The following CACNA1A variants were observed in gnomAD, a reference collection of about 807,000 sequenced individuals.
The protein encoded by CACNA1A is calcium voltage-gated channel subunit alpha1 A.
CACNA1A carries 57 observed loss-of-function variants against 262.4 expected under a neutral mutation model. The ratio of observed to expected loss-of-function variants is 0.22; its 90% CI spans 0.18 to 0.27. The LOEUF is 0.27. Among genes scored for constraint, CACNA1A ranks in the 10% least tolerant of loss-of-function variants. CACNA1A has a pLI of 1.00. For synonymous variants in CACNA1A, 1,431 were observed against 1,419.3 expected (o/e 1.01, Z -0.18); for missense variants, 2,526 against 3,562.8 (o/e 0.71, Z 7.41).
At chr19:13,347,455 C>T (rs2058813189) in intron 6 of CACNA1A, among the ~76,000 whole-genome samples, 1 of 152,096 alleles carries the variant, frequency 6.6e-6, no homozygotes, top group South Asian at 2.1e-4. Context: ...CTCTCACCAC[C>T]CTCTAACACT....
At chr19:13,276,996 T>C (rs980199366) in intron 23 of CACNA1A, 73 bp downstream of exon 23, 12 of 957,326 alleles carry the variant, frequency 1.3e-5, no homozygotes, top group African/African-American at 1.1e-4. Flanking sequence ...ACAGGCATGA[T>C]CCACTGTGCC....
At position 13,506,132 on chromosome 19, in the gene CACNA1A, T is replaced by C. The variant is rs1287423574; in HGVS notation, c.93A>G (p.Arg31=). 1 of 1,598,090 alleles carries C rather than the reference T, an allele frequency of 6.3e-7. No individual in the cohort carries two copies. Among genetic ancestry groups the C allele is most frequent in the African/African-American group, 1.3e-5 (1 of 74,498 alleles). ...CGCCCTGCCGGCTGCCCCCGGCTCC[T>C]CGCCCGCCTCCGCTGCCCACGACCA... ...AGVVVGSGGG[R]GAGGSRQGGQ... The change falls in exon 1 of 47, where the codon CGA becomes CGG. Residue 31 remains arginine (R), a synonymous_variant. Transcript: ENST00000360228.
At chr19:13,217,005 C>T (rs191105795) in intron 38 of CACNA1A, among the ~76,000 whole-genome samples, 6 of 152,140 alleles carry the variant, frequency 3.9e-5, no homozygotes, top group Middle Eastern at 3.4e-3. Context: ...TGGTGGCGTG[C>T]GCCTGTAATC....
chr19:13,263,786 GT>G (rs2056797491), intron 24 of CACNA1A, among the ~76,000 whole-genome samples: 1 of 152,136 alleles, frequency 6.6e-6, no homozygotes, highest in Non-Finnish European at 1.5e-5. Flanking sequence ...CTCCCAAAGT[GT>G]TGGGATTACA....
At position 13,262,845 on chromosome 19, in the gene CACNA1A, T is replaced by C; in HGVS notation, c.3990-12A>G. 2 of 1,580,804 alleles carry C rather than the reference T, an allele frequency of 1.3e-6. No homozygotes were observed. The highest frequency in any genetic ancestry group is 1.7e-6 in the Non-Finnish European group (2 of 1,151,938). On this transcript the variant is annotated splice_polypyrimidine_tract_variant and intron_variant, in intron 24 of 46. Transcript: ENST00000360228. ...CTTTGCTATTGCCACTGTGGAGGAATGTTTAGGTGGGAAGAAGGGAAGAGA... is the reference window on the plus strand; with the variant it reads ...CTTTGCTATTGCCACTGTGGAGGAACGTTTAGGTGGGAAGAAGGGAAGAGA...
At chr19:13,355,116 T>C (rs2058986612) in intron 6 of CACNA1A, among the ~76,000 whole-genome samples, 1 of 152,160 alleles carries the variant, frequency 6.6e-6, no homozygotes, top group Non-Finnish European at 1.5e-5. Context: ...CCTCAAGTGA[T>C]CTGCCTGCCT....
rs1176337097 is a variant in CACNA1A, at chr19:13,212,091, G to A, written c.6303+12C>T. ...AGGGGTCCAGCCCCAGGGCAGTGGT[G>A]AAAGCCCTCACCTGGTTCTCTGCAG... On this transcript the variant is annotated intron_variant, in intron 43 of 46. Coordinates refer to ENST00000360228, the MANE Select transcript of CACNA1A (RefSeq NM_001127222.2). The surrounding 1 kb of genome is among the most constrained non-coding windows in gnomAD (Gnocchi z 5.6). 3 of 1,591,486 alleles carry A rather than the reference G, an allele frequency of 1.9e-6. No homozygotes were observed. The highest frequency in any genetic ancestry group is 2.6e-6 in the Non-Finnish European group (3 of 1,161,500).
In CACNA1A at chr19:13,241,616, A is replaced by G; in HGVS notation, c.4950+3566T>C. 7 of 693,064 alleles carry G rather than the reference A, an allele frequency of 1.0e-5. No individual in the cohort carries two copies. Among genetic ancestry groups the G allele is most frequent in the South Asian group, 8.8e-5 (6 of 67,900 alleles). The allele number at this position is 693,064 out of a possible 1,614,324, so 42.9% of individuals were successfully genotyped here. A position where few individuals can be genotyped will look rare whatever the true frequency, so the allele number is the denominator to read the frequency against. ...GCATTTTTTAGGTTGATTTGTAACCAGTGCCAAAAAACCAATGGGTTTCGG... is the reference window on the plus strand; with the variant it reads ...GCATTTTTTAGGTTGATTTGTAACCGGTGCCAAAAAACCAATGGGTTTCGG... On this transcript the variant is annotated intron_variant, in intron 31 of 46. Transcript: ENST00000360228. The surrounding 1 kb of genome is among the most constrained non-coding windows in gnomAD (Gnocchi z 4.0).
Position 13,298,527 on chromosome 19 carries a change from A to C in CACNA1A, c.3089+17T>G. On this transcript the variant is annotated intron_variant, in intron 19 of 46. Coordinates refer to ENST00000360228, the MANE Select transcript of CACNA1A (RefSeq NM_001127222.2). ...ATGTTACCGTCATTCTGCGGATTCG[A>C]GGTCACCTCCACTTACTTCCTCCTC... The C allele has an allele frequency of 6.5e-7, 1 of 1,535,224 alleles. No homozygotes were observed. The highest frequency in any genetic ancestry group is 8.8e-7 in the Non-Finnish European group (1 of 1,137,482).
rs1315104627 is a variant in CACNA1A, at chr19:13,277,050, A to C, written c.3882+19T>G. The C allele has an allele frequency of 1.3e-6, 2 of 1,585,126 alleles. No homozygotes were observed. Among genetic ancestry groups the C allele is most frequent in the Non-Finnish European group, 1.7e-6 (2 of 1,154,192 alleles). On this transcript the variant is annotated intron_variant, in intron 23 of 46. Coordinates refer to ENST00000360228, the MANE Select transcript of CACNA1A (RefSeq NM_001127222.2). The stretch of plus-strand genomic sequence containing the variant: ...AAAAAAAAAATTACCGTGTGTTCTC[A>C]CTTATAATCTGCACTCACCTTGATC...
intron 1 of CACNA1A, among the ~76,000 whole-genome samples, chr19:13,467,221 C>T (rs977620585): frequency 2.6e-5 from 4 of 152,056 alleles, no homozygotes; most frequent in African/African-American, 4.8e-5. Flanking sequence ...GGGGTAAGGG[C>T]TTTTCACCTT....
At chr19:13,467,583 G>A (rs1181760825) in intron 1 of CACNA1A, among the ~76,000 whole-genome samples, 1 of 151,568 alleles carries the variant, frequency 6.6e-6, no homozygotes, top group Non-Finnish European at 1.5e-5. Flanking sequence ...ATGTCAGAGG[G>A]GATGCACACT....
intron 30 of CACNA1A, among the ~76,000 whole-genome samples, chr19:13,248,825 AGAGT>A (rs1427950305): frequency 1.4e-5 from 2 of 146,666 alleles, no homozygotes; most frequent in Non-Finnish European, 3.0e-5. Context: ...CCTGGGCAAC[AGAGT>A]GAGAATCCAT....
chr19:13,485,188 G>A (rs1979827310), intron 1 of CACNA1A, among the ~76,000 whole-genome samples: 1 of 152,010 alleles, frequency 6.6e-6, no homozygotes. Flanking sequence ...CAATTCTTAT[G>A]GAATAAAAAG....
chr19:13,474,323 C>T (rs1978313013), intron 1 of CACNA1A, among the ~76,000 whole-genome samples: 1 of 152,178 alleles, frequency 6.6e-6, no homozygotes, highest in Admixed American at 6.5e-5. Context: ...AAGGAAATGC[C>T]TCCAAGCTTG....
intron 1 of CACNA1A, among the ~76,000 whole-genome samples, chr19:13,494,770 G>T (rs1981300052): frequency 1.3e-5 from 2 of 152,094 alleles, no homozygotes; most frequent in Admixed American, 6.5e-5. Flanking sequence ...GGAGAGAGAG[G>T]AAAGAGGCCC....
chr19:13,484,263 A>G (rs1979708459), intron 1 of CACNA1A, among the ~76,000 whole-genome samples: 1 of 152,184 alleles, frequency 6.6e-6, no homozygotes, highest in East Asian at 1.9e-4. Flanking sequence ...CTAGCAACTC[A>G]TCCTTGCTGT....
Position 13,317,059 on chromosome 19 carries a change from G to T in CACNA1A, c.1555+53C>A, listed in dbSNP as rs1245709175. 4 of 1,154,160 alleles carry T rather than the reference G, an allele frequency of 3.5e-6. No homozygotes were observed. The African/African-American group carries it at 4.6e-5, about 13-fold the overall frequency. 71.5% of individuals were successfully genotyped at this position (1,154,160 alleles called of 1,614,324 possible). ...ACCAGAGAAAGAGAAGTGGAAAAAG[G>T]GTGTGAGGGAGGGATCAGGGAGTTG... On this transcript the variant is annotated intron_variant, in intron 11 of 46. Coordinates refer to ENST00000360228, the MANE Select transcript of CACNA1A (RefSeq NM_001127222.2).
intron 3 of CACNA1A, among the ~76,000 whole-genome samples, chr19:13,397,784 TTCTGG>T (rs1378126409): frequency 2.0e-5 from 3 of 152,202 alleles, no homozygotes; most frequent in Non-Finnish European, 4.4e-5. Flanking sequence ...TATGGACTAC[TTCTGG>T]GTCTGTCCCA....
Sources: gnomAD v4.1 joint callset for allele counts (sites outside exome capture counted in the v4.1 genomes callset) on GRCh38, gnomAD v4.1.1 for gene constraint, Gnocchi (gnomAD v3.1) non-coding constraint, MANE v1.5 for transcripts, NCBI Gene and HGNC (gene_info 2026-07-23, HGNC 2026-07-21) for gene names.